MRRF: variants seen among roughly 807,000 people sequenced by gnomAD.
MRRF encodes the protein mitochondrial ribosome recycling factor.
MRRF carries 18 observed loss-of-function variants against 25.1 expected under a neutral mutation model. The observed-to-expected ratio is 0.72, with a 90% CI of 0.50 to 1.06. The LOEUF (loss-of-function observed/expected upper bound fraction) is 1.06. Ranked by LOEUF, MRRF falls within the 50% of genes least tolerant of loss-of-function variation. The pLI is 0.00. For missense variants in MRRF, 323 were observed against 319.3 expected, an observed-to-expected ratio of 1.01 and a Z score of -0.09; for synonymous variants, 113 against 112.1, an observed-to-expected ratio of 1.01 and a Z score of -0.05.
intron 3 of MRRF, among the ~76,000 whole-genome samples, chr9:122,283,701 T>G (rs1833216299): frequency 6.6e-6 from 1 of 152,202 alleles, no homozygotes; most frequent in Non-Finnish European, 1.5e-5. Context: ...ACAACTCCAA[T>G]TTGTTTAAGA....
At chr9:122,287,171 T>C (rs1476590446) in intron 4 of MRRF, among the ~76,000 whole-genome samples, 1 of 152,256 alleles carries the variant, frequency 6.6e-6, no homozygotes, top group Non-Finnish European at 1.5e-5. Flanking sequence ...TCTTTTTCTT[T>C]ATTGCACTTA....
At chr9:122,285,623 C>A in intron 4 of MRRF, 1 of 556,374 alleles carries the variant, frequency 1.8e-6, no homozygotes, top group Non-Finnish European at 2.9e-6. Flanking sequence ...TGCCTCTGCC[C>A]AGCTCCTGCT....
chr9:122,301,984 T>C (rs907885995), intron 5 of MRRF, among the ~76,000 whole-genome samples: 1 of 151,754 alleles, frequency 6.6e-6, no homozygotes, highest in Non-Finnish European at 1.5e-5. Flanking sequence ...CCTCACGTGA[T>C]CCACCTGCCT....
chr9:122,312,246 T>C (rs1193502627), intron 5 of MRRF, among the ~76,000 whole-genome samples: 1 of 152,114 alleles, frequency 6.6e-6, no homozygotes, highest in Non-Finnish European at 1.5e-5. Flanking sequence ...ATTTGAAGAG[T>C]TGTGAGGATT....
chr9:122,302,066 G>T (rs562910189), intron 5 of MRRF, among the ~76,000 whole-genome samples: 3 of 152,104 alleles, frequency 2.0e-5, no homozygotes, highest in South Asian at 4.2e-4. Context: ...TAACTGTTAT[G>T]GGGGAGTATT....
At position 122,328,388 on chromosome 9, in the gene MRRF, C is replaced by G. The variant is rs1259194090; in HGVS notation, c.*5771C>G. The G allele has an allele frequency of 6.6e-6, 1 of 152,190 alleles. No individual in the cohort carries two copies. The highest frequency in any genetic ancestry group is 1.5e-5 in the Non-Finnish European group (1 of 68,040). The allele number at this position is 152,190 out of a possible 1,614,324, so 9.4% of individuals were successfully genotyped here. A position where few individuals can be genotyped will look rare whatever the true frequency, so the allele number is the denominator to read the frequency against. On this transcript the variant is annotated 3_prime_UTR_variant, in exon 7 of 7. Coordinates refer to ENST00000344641, the MANE Select transcript of MRRF (RefSeq NM_138777.5). ...GACGCTCTATACCCATTACACAACC[C>G]CAGTTCCCCCTTCTCAGCCCCCAGC...
At chr9:122,316,350 A>G (rs1835520085) in intron 6 of MRRF, among the ~76,000 whole-genome samples, 1 of 151,676 alleles carries the variant, frequency 6.6e-6, no homozygotes, top group African/African-American at 2.4e-5. Flanking sequence ...TAATTTTTTT[A>G]TTTTTAGTAG....
chr9:122,328,690 A>G lies in MRRF; in HGVS notation c.*6073A>G, dbSNP rs1308727928. ...AGTAGAACCCATTTACTTTTTCTTT[A>G]TTTTCAGTATTAACATAAGTGATTT... On this transcript the variant is annotated 3_prime_UTR_variant, in exon 7 of 7. Coordinates refer to ENST00000344641, the MANE Select transcript of MRRF (RefSeq NM_138777.5). 6.6e-6 allele frequency: 1 copy of G among 152,032 alleles called. No individual in the cohort carries two copies. The highest frequency in any genetic ancestry group is 6.6e-5 in the Admixed American group (1 of 15,264). The allele number at this position is 152,032 out of a possible 1,614,324, so 9.4% of individuals were successfully genotyped here.
intron 1 of MRRF, among the ~76,000 whole-genome samples, chr9:122,266,340 G>T (rs982351438): frequency 2.0e-5 from 3 of 152,338 alleles, no homozygotes; most frequent in African/African-American, 7.2e-5. Flanking sequence ...GGCTGTAGGA[G>T]ATGGCCAAGG....
intron 6 of MRRF, 102 bp downstream of exon 6, chr9:122,313,488 T>G (rs1835327864): frequency 7.9e-7 from 1 of 1,269,346 alleles, no homozygotes; most frequent in South Asian, 1.2e-5. Context: ...CTCTGATCTT[T>G]CATTCACATT....
At chr9:122,313,167 T>C (rs1835304548) in intron 5 of MRRF, 60 bp from the exon 6 acceptor site, 1 of 1,540,788 alleles carries the variant, frequency 6.5e-7, no homozygotes, top group African/African-American at 1.4e-5. Flanking sequence ...TGATGTTAAA[T>C]TCTTGGCCAG....
chr9:122,317,933 C>T (rs1248432164), intron 6 of MRRF, among the ~76,000 whole-genome samples: 3 of 152,108 alleles, frequency 2.0e-5, no homozygotes, highest in Non-Finnish European at 2.9e-5. Context: ...GTCAGGAGAT[C>T]GAGACCGTCC....
At chr9:122,271,554 C>T (rs1832459644) in intron 2 of MRRF, among the ~76,000 whole-genome samples, 2 of 152,336 alleles carry the variant, frequency 1.3e-5, no homozygotes, top group Admixed American at 1.3e-4. Context: ...AGCTTAAATG[C>T]TACTTCCTCT....
chr9:122,329,776 G>T lies in MRRF; in HGVS notation c.*7159G>T, dbSNP rs1836236095. ...GCCTCACCCGGGTCTCTAGACACTTGGCTCAGAGGCAGAACATGGCTAACC... is the reference window on the plus strand; with the variant it reads ...GCCTCACCCGGGTCTCTAGACACTTTGCTCAGAGGCAGAACATGGCTAACC... On this transcript the variant is annotated 3_prime_UTR_variant, in exon 7 of 7. Transcript: ENST00000344641. The T allele has an allele frequency of 6.6e-6, 1 of 152,354 alleles. No homozygotes were observed. The highest frequency in any genetic ancestry group is 1.5e-5 in the Non-Finnish European group (1 of 68,136). The allele number at this position is 152,354 out of a possible 1,614,324, so 9.4% of individuals were successfully genotyped here. A position where few individuals can be genotyped will look rare whatever the true frequency, so the allele number is the denominator to read the frequency against.
intron 4 of MRRF, among the ~76,000 whole-genome samples, chr9:122,290,494 A>AT (rs1833693818): frequency 6.6e-6 from 1 of 152,218 alleles, no homozygotes; most frequent in Non-Finnish European, 1.5e-5. Flanking sequence ...TTGTGACCTT[A>AT]TAGTAACACC....
intron 4 of MRRF, among the ~76,000 whole-genome samples, chr9:122,287,070 A>G (rs1833460562): frequency 1.3e-5 from 2 of 152,342 alleles, no homozygotes; most frequent in South Asian, 4.1e-4. Context: ...ATTTTGGATC[A>G]TGGCTTAAAC....
At chr9:122,309,507 A>G (rs1835074269) in intron 5 of MRRF, among the ~76,000 whole-genome samples, 2 of 152,148 alleles carry the variant, frequency 1.3e-5, no homozygotes, top group Non-Finnish European at 2.9e-5. Context: ...ACTCTTAGGC[A>G]ACTTAAATAT....
intron 2 of MRRF, among the ~76,000 whole-genome samples, chr9:122,279,136 G>T (rs1165474685): frequency 6.6e-6 from 1 of 152,156 alleles, no homozygotes; most frequent in East Asian, 1.9e-4. Flanking sequence ...CCCACAAAGT[G>T]CTGGGATTAT....
rs576756634 is a variant in MRRF, at chr9:122,329,519, A to T, written c.*6902A>T. ...TTAAGCGCTTGGATTTGCCTCAAGCATCTGACGTTCAGCTACCCACCTGCG... is the reference window on the plus strand; with the variant it reads ...TTAAGCGCTTGGATTTGCCTCAAGCTTCTGACGTTCAGCTACCCACCTGCG... On this transcript the variant is annotated 3_prime_UTR_variant, in exon 7 of 7. Coordinates refer to ENST00000344641, the MANE Select transcript of MRRF (RefSeq NM_138777.5). 2 of 152,268 alleles carry T rather than the reference A, an allele frequency of 1.3e-5. No homozygotes were observed. The highest frequency in any genetic ancestry group is 4.8e-5 in the African/African-American group (2 of 41,454). 9.4% of individuals were successfully genotyped at this position (152,268 alleles called of 1,614,324 possible).
Sources: allele counts gnomAD v4.1 joint callset (sites outside exome capture counted in the v4.1 genomes callset), GRCh38; gene constraint gnomAD v4.1.1; transcripts MANE v1.5; gene names NCBI Gene and HGNC (gene_info 2026-07-23, HGNC 2026-07-21).